Variants in TP63 observed in about 807,000 individuals in gnomAD.
TP63 encodes the protein tumor protein p63.
In TP63, 17 loss-of-function variants were observed where a neutral mutation model predicts 82.8. The ratio of observed to expected loss-of-function variants is 0.21; its 90% CI spans 0.14 to 0.31. The LOEUF (loss-of-function observed/expected upper bound fraction) is 0.31. TP63 is among the 10% of genes least tolerant of loss of function. The probability of loss-of-function intolerance (pLI) is 1.00; values close to 1 mark genes in which losing one functional copy is unlikely to be tolerated. For missense variants in TP63, 648 were observed against 895.3 expected (o/e 0.72, Z 3.52); for synonymous variants, 330 against 321.7 (o/e 1.03, Z -0.28).
chr3:189,688,645 GA>G (rs1716639486), intron 1 of TP63, among the ~76,000 whole-genome samples: 1 of 152,180 alleles, frequency 6.6e-6, no homozygotes, highest in Admixed American at 6.5e-5. Context: ...TTTATGGCCA[GA>G]AAGATTGGTA....
At chr3:189,809,193 A>G (rs1399715957) in intron 4 of TP63, among the ~76,000 whole-genome samples, 1 of 152,182 alleles carries the variant, frequency 6.6e-6, no homozygotes, top group East Asian at 1.9e-4. Flanking sequence ...GCCCTGAATT[A>G]GTCCAAAGAA....
At chr3:189,643,040 C>T (rs555359045) in intron 1 of TP63, among the ~76,000 whole-genome samples, 2 of 136,548 alleles carry the variant, frequency 1.5e-5, no homozygotes, top group East Asian at 2.0e-4. Flanking sequence ...TTGTTCTTGT[C>T]GCCCAGGGTG....
chr3:189,880,328 A>G (rs375382614), intron 10 of TP63: 1 of 1,300,440 alleles, frequency 7.7e-7, no homozygotes, highest in South Asian at 2.7e-5. Context: ...CAAAGGCACA[A>G]AGCCACTAGT....
At position 189,722,643 on chromosome 3, in the gene TP63, G is replaced by A. The variant is rs370064414; in HGVS notation, c.63-15097G>A. 2.6e-5 allele frequency among the ~76,000 whole-genome samples: 4 copies of A among 152,326 alleles called. No homozygotes were observed. In the East Asian group the frequency reaches 7.7e-4, roughly 29 times the overall value. On this transcript the variant is annotated intron_variant, in intron 1 of 13. Transcript: ENST00000264731. Reference sequence around the variant, plus strand: ...GTGATAGTTAAGAACTACTCCAGGCGCAGAAAGCTCATGTACCTTCCCCAA... The same window carrying A: ...GTGATAGTTAAGAACTACTCCAGGCACAGAAAGCTCATGTACCTTCCCCAA...
chr3:189,682,548 A>T (rs1577232150), intron 1 of TP63, among the ~76,000 whole-genome samples: 61 of 48,942 alleles, frequency 1.2e-3, no homozygotes, highest in Non-Finnish European at 2.4e-3. Context: ...AAAAAAAAAA[A>T]AAAAAATATA....
At chr3:189,807,156 C>T (rs1487228444) in intron 3 of TP63, among the ~76,000 whole-genome samples, 1 of 152,232 alleles carries the variant, frequency 6.6e-6, no homozygotes, top group South Asian at 2.1e-4. Flanking sequence ...AGCAACTGTA[C>T]CATAAGCTGG....
At chr3:189,616,854 G>C in the TP63 span, among the ~76,000 whole-genome samples, 2 of 152,176 alleles carry the variant, frequency 1.3e-5, no homozygotes, top group East Asian at 3.8e-4. Flanking sequence ...GAATATCAGA[G>C]CTTGCATTGT....
chr3:189,714,153 A>ATGTG (rs1209332394), intron 1 of TP63, among the ~76,000 whole-genome samples: 1 of 152,110 alleles, frequency 6.6e-6, no homozygotes, highest in Non-Finnish European at 1.5e-5. Flanking sequence ...AATTGTGTGT[A>ATGTG]TGTGTATGTA....
chr3:189,870,388 A>C (rs1297993457), intron 9 of TP63, among the ~76,000 whole-genome samples: 2 of 152,254 alleles, frequency 1.3e-5, no homozygotes, highest in African/African-American at 4.8e-5. Flanking sequence ...AACTAATTGC[A>C]TGGCATTTAC....
chr3:189,764,993 G>A (rs537774323), intron 3 of TP63, among the ~76,000 whole-genome samples: 2 of 152,290 alleles, frequency 1.3e-5, no homozygotes, highest in South Asian at 4.1e-4. Context: ...AGATGTCTGG[G>A]TGGGGTATCA....
At chr3:189,835,509 T>C (rs1713002402) in intron 4 of TP63, among the ~76,000 whole-genome samples, 1 of 152,194 alleles carries the variant, frequency 6.6e-6, no homozygotes, top group African/African-American at 2.4e-5. Flanking sequence ...TCAGATATAA[T>C]TAACATAATG....
chr3:189,875,585 A>AAAAAATAT (rs1718953331), intron 10 of TP63, among the ~76,000 whole-genome samples: 1 of 29,774 alleles, frequency 3.4e-5, no homozygotes, highest in African/African-American at 1.1e-4. Flanking sequence ...AAGAAAAAAA[A>AAAAAATAT]ATACATACAT....
At chr3:189,891,584 C>G (rs1721022171) in intron 13 of TP63, among the ~76,000 whole-genome samples, 1 of 152,200 alleles carries the variant, frequency 6.6e-6, no homozygotes, top group South Asian at 2.1e-4. Context: ...ATCACTTTGC[C>G]TCTCTGGGCC....
At chr3:189,635,524 A>C (rs1729720954) in intron 1 of TP63, among the ~76,000 whole-genome samples, 1 of 152,064 alleles carries the variant, frequency 6.6e-6, no homozygotes, top group Non-Finnish European at 1.5e-5. Context: ...AACCAGCAGC[A>C]ATCTCCTGCA....
At chr3:189,873,407 G>A (rs1718676327) in intron 10 of TP63, 1 of 278,420 alleles carries the variant, frequency 3.6e-6, no homozygotes, top group Non-Finnish European at 7.0e-6. Flanking sequence ...TCCACTTTTG[G>A]GAATAACACT....
chr3:189,727,315 C>T (rs1354001438), intron 1 of TP63, among the ~76,000 whole-genome samples: 1 of 152,122 alleles, frequency 6.6e-6, no homozygotes, highest in Non-Finnish European at 1.5e-5. Flanking sequence ...GGTTGAAGGC[C>T]ACTGCAATTG....
intron 1 of TP63, among the ~76,000 whole-genome samples, chr3:189,717,236 A>G (rs1719032574): frequency 6.6e-6 from 1 of 152,200 alleles, no homozygotes; most frequent in Non-Finnish European, 1.5e-5. Context: ...ATGTTTCAAC[A>G]TCTCTGAAAT....
chr3:189,687,449 T>C (rs1488732720), intron 1 of TP63, among the ~76,000 whole-genome samples: 1 of 152,240 alleles, frequency 6.6e-6, no homozygotes, highest in East Asian at 1.9e-4. Flanking sequence ...TGCCTGTTAC[T>C]TGAGCTTGAT....
chr3:189,710,022 A>G (rs916960864), intron 1 of TP63, among the ~76,000 whole-genome samples: 1 of 152,208 alleles, frequency 6.6e-6, no homozygotes, highest in Non-Finnish European at 1.5e-5. Flanking sequence ...AATAGCAAAA[A>G]TAGGGGGTTG....
Sources: gnomAD v4.1 joint callset for allele counts (sites outside exome capture counted in the v4.1 genomes callset) on GRCh38, gnomAD v4.1.1 for gene constraint, MANE v1.5 for transcripts, NCBI Gene and HGNC (gene_info 2026-07-23, HGNC 2026-07-21) for gene names.